ASTN2: variants seen among roughly 807,000 people sequenced by gnomAD.
The protein encoded by ASTN2 is astrotactin-2.
ASTN2 carries 54 observed loss-of-function variants against 139.8 expected under a neutral mutation model. The ratio of observed to expected loss-of-function variants is 0.39; its 90% CI spans 0.31 to 0.48. The LOEUF (loss-of-function observed/expected upper bound fraction) is 0.48. Among genes scored for constraint, ASTN2 ranks in the 20% least tolerant of loss-of-function variants. The pLI is 0.95. For synonymous variants in ASTN2, 756 were observed against 719.5 expected (o/e 1.05, Z -0.81); for missense variants, 1,565 against 1,725.1 (o/e 0.91, Z 1.64).
Position 116,820,713 on chromosome 9 carries a change from G to A in ASTN2, c.2111C>T (p.Ser704Phe). The A allele has an allele frequency of 6.2e-7, 1 of 1,614,236 alleles. No homozygotes were observed. The highest frequency in any genetic ancestry group is 8.5e-7 in the Non-Finnish European group (1 of 1,180,044). Residue 704 changes from serine to phenylalanine, a missense_variant, in exon 12 of 23, where the codon TCT becomes TTT. By Grantham distance (155) the Ser-to-Phe change is radical. This residue lies in a region of ASTN2 where 503 missense variants were observed against 591.7 expected (regional missense o/e 0.85). Transcript: ENST00000313400. ...CYDHSKGIDC[S>F]DGFNGGCEQL... is the part of the protein sequence containing the mutation. ...CTCACAGCCGCCATTAAAGCCATCA[G>A]AGCAGTCAATGCCTTTGGAGTGGTC...
intron 20 of ASTN2, among the ~76,000 whole-genome samples, chr9:116,484,989 C>A (rs942717441): frequency 6.6e-6 from 1 of 152,178 alleles, no homozygotes; most frequent in Non-Finnish European, 1.5e-5. Flanking sequence ...CACCCAGAGA[C>A]AGGGTTACTC....
At chr9:117,272,099 T>C (rs1834079697) in intron 2 of ASTN2, among the ~76,000 whole-genome samples, 1 of 152,204 alleles carries the variant, frequency 6.6e-6, no homozygotes, top group South Asian at 2.1e-4. Flanking sequence ...CAGCAAACTT[T>C]TGCCTGGGCT....
At chr9:117,157,820 T>C (rs1299909196) in intron 3 of ASTN2, among the ~76,000 whole-genome samples, 1 of 151,970 alleles carries the variant, frequency 6.6e-6, no homozygotes, top group Non-Finnish European at 1.5e-5. Context: ...AGCTACACAT[T>C]TGAAGTTTAG....
At chr9:117,378,929 G>A (rs1400988112) in intron 1 of ASTN2, among the ~76,000 whole-genome samples, 4 of 152,062 alleles carry the variant, frequency 2.6e-5, no homozygotes, top group South Asian at 4.2e-4. Flanking sequence ...TAGGGATAGC[G>A]AGTTCTTACA....
chr9:116,907,409 C>T (rs946730379), intron 10 of ASTN2, among the ~76,000 whole-genome samples: 1 of 152,232 alleles, frequency 6.6e-6, no homozygotes, highest in East Asian at 1.9e-4. Context: ...GGGAAGTGTC[C>T]GAGGCAGGCT....
At chr9:116,524,813 G>C (rs1851023118) in intron 19 of ASTN2, among the ~76,000 whole-genome samples, 2 of 152,144 alleles carry the variant, frequency 1.3e-5, no homozygotes, top group Admixed American at 6.6e-5. Context: ...TCTCTGTAGA[G>C]ATATGCCTGT....
At chr9:116,622,283 G>A (rs1269778285) in intron 17 of ASTN2, among the ~76,000 whole-genome samples, 1 of 152,120 alleles carries the variant, frequency 6.6e-6, no homozygotes, top group Non-Finnish European at 1.5e-5. Flanking sequence ...CCTGGAAGTT[G>A]ACAAAAAGTC....
Position 116,487,840 on chromosome 9 carries a change from G to T in ASTN2, c.3356-340C>A, listed in dbSNP as rs116672055. ...TTTTTTCTGTAACTATTCTGGCCTTGTCACTGTTATTCACTCCCTGTTAAC... is the reference window on the plus strand; with the variant it reads ...TTTTTTCTGTAACTATTCTGGCCTTTTCACTGTTATTCACTCCCTGTTAAC... On this transcript the variant is annotated intron_variant, in intron 19 of 22. Transcript: ENST00000313400. Among the ~76,000 whole-genome samples, 1,492 of 151,982 alleles carry T rather than the reference G, an allele frequency of 9.8e-3. 31 individuals are homozygous for T. Among genetic ancestry groups the T allele is most frequent in the African/African-American group, 0.035 (1,434 of 41,426 alleles).
chr9:116,732,770 G>A (rs940563233), intron 14 of ASTN2, among the ~76,000 whole-genome samples: 11 of 152,166 alleles, frequency 7.2e-5, no homozygotes, highest in South Asian at 2.1e-4. Flanking sequence ...GTGGGGGAGC[G>A]GCAAAGTGGA....
intron 5 of ASTN2, among the ~76,000 whole-genome samples, chr9:117,071,033 C>T (rs935433525): frequency 3.4e-5 from 5 of 149,094 alleles, no homozygotes; most frequent in African/African-American, 9.9e-5. Flanking sequence ...CTCCATCCAG[C>T]TTTGTTCTGT....
chr9:117,100,477 T>C (rs1828950271), intron 4 of ASTN2, among the ~76,000 whole-genome samples: 1 of 152,226 alleles, frequency 6.6e-6, no homozygotes, highest in South Asian at 2.1e-4. Context: ...TAAAATATTA[T>C]CATGTTAACA....
intron 10 of ASTN2, 66 bp downstream of exon 10, chr9:116,975,142 C>A: frequency 6.9e-7 from 1 of 1,455,376 alleles, no homozygotes; most frequent in East Asian, 2.4e-5. Flanking sequence ...TCCTGTGGTT[C>A]TCCAACAGGG....
chr9:116,606,416 T>C lies in ASTN2; in HGVS notation c.3355+11908A>G, dbSNP rs149504140. 9.2e-3 allele frequency among the ~76,000 whole-genome samples: 1,408 copies of C among 152,242 alleles called. 15 individuals carry two copies. The highest frequency in any genetic ancestry group is 0.011 in the Non-Finnish European group (719 of 68,026). On this transcript the variant is annotated intron_variant, in intron 19 of 22. Transcript: ENST00000313400. ...TAAAGTGTGTGTGTATGTGTGTGTTTGTGTTCATGTGTGCACATGGGAGAA... is the reference window on the plus strand; with the variant it reads ...TAAAGTGTGTGTGTATGTGTGTGTTCGTGTTCATGTGTGCACATGGGAGAA...
At chr9:116,720,307 G>A (rs1395929581) in intron 16 of ASTN2, among the ~76,000 whole-genome samples, 2 of 152,160 alleles carry the variant, frequency 1.3e-5, no homozygotes, top group African/African-American at 2.4e-5. Context: ...TAAAAGTGGC[G>A]ACATGTATTT....
intron 10 of ASTN2, among the ~76,000 whole-genome samples, chr9:116,921,226 A>G (rs1401921795): frequency 6.6e-6 from 1 of 152,192 alleles, no homozygotes; most frequent in African/African-American, 2.4e-5. Flanking sequence ...CTCTTAAACC[A>G]TGAGAAACAG....
intron 16 of ASTN2, among the ~76,000 whole-genome samples, chr9:116,689,607 C>T (rs1860461282): frequency 6.6e-6 from 1 of 152,202 alleles, no homozygotes; most frequent in South Asian, 2.1e-4. Context: ...GCTTTCCTTG[C>T]TTCTTCCTTG....
chr9:116,953,439 C>T (rs529275597), intron 10 of ASTN2, among the ~76,000 whole-genome samples: 1 of 152,250 alleles, frequency 6.6e-6, no homozygotes, highest in African/African-American at 2.4e-5. Flanking sequence ...GTTGCTGGAG[C>T]CCAGCATCTG....
At chr9:117,201,266 T>C (rs1254037798) in intron 3 of ASTN2, among the ~76,000 whole-genome samples, 1 of 152,096 alleles carries the variant, frequency 6.6e-6, no homozygotes, top group African/African-American at 2.4e-5. Context: ...CTTCTCTCTG[T>C]TCTTCATTAG....
intron 10 of ASTN2, among the ~76,000 whole-genome samples, chr9:116,924,610 T>C (rs1159992749): frequency 6.6e-6 from 1 of 152,140 alleles, no homozygotes; most frequent in Non-Finnish European, 1.5e-5. Context: ...ATCCCCTTTT[T>C]AGACCATATA....
Sources: gnomAD v4.1 joint callset for allele counts (sites outside exome capture counted in the v4.1 genomes callset) on GRCh38, gnomAD v4.1.1 for gene constraint, gnomAD v4.1.1 regional missense constraint, MANE v1.5 for transcripts, NCBI Gene and HGNC (gene_info 2026-07-23, HGNC 2026-07-21) for gene names.